Variants in KHDRBS2 observed in about 807,000 individuals in gnomAD.
KHDRBS2 encodes the protein KH RNA binding domain containing, signal transduction associated 2, also known as KH domain-containing, RNA-binding, signal transduction-associated protein 2.
A neutral mutation model predicts 44.3 loss-of-function variants in KHDRBS2; 26 were observed. The ratio of observed to expected loss-of-function variants is 0.59; its 90% confidence interval spans 0.43 to 0.81. The LOEUF (loss-of-function observed/expected upper bound fraction) is 0.81, where lower values mean the gene tolerates loss of function less well. Among genes scored for constraint, KHDRBS2 ranks in the 40% least tolerant of loss-of-function variants. KHDRBS2 has a pLI of 0.00. For synonymous variants in KHDRBS2, 194 were observed against 151.1 expected (o/e 1.28, Z -2.08); for missense variants, 476 against 433.1 (o/e 1.10, Z -0.88).
chr6:61,619,946 A>G, the KHDRBS2 span, among the ~76,000 whole-genome samples: 1 of 152,160 alleles, frequency 6.6e-6, no homozygotes, highest in African/African-American at 2.4e-5. Flanking sequence ...GTCTGTTATT[A>G]TGCATTAAGA....
chr6:61,868,017 C>A (rs1798035224), intron 6 of KHDRBS2, among the ~76,000 whole-genome samples: 1 of 152,166 alleles, frequency 6.6e-6, no homozygotes, highest in Non-Finnish European at 1.5e-5. Flanking sequence ...CAGCCCTGAT[C>A]AGCTTGGACT....
the KHDRBS2 span, among the ~76,000 whole-genome samples, chr6:61,592,690 T>C: frequency 6.6e-6 from 1 of 152,220 alleles, no homozygotes; most frequent in Non-Finnish European, 1.5e-5. Flanking sequence ...TGTTTTTTTT[T>C]AGTCTCCCAG....
chr6:61,782,767 A>G (rs1356896248), intron 6 of KHDRBS2, among the ~76,000 whole-genome samples: 12 of 147,940 alleles, frequency 8.1e-5, no homozygotes, highest in Admixed American at 6.8e-4. Context: ...ATACATATAC[A>G]TATATGTCTG....
At chr6:62,088,129 G>T (rs1798766859) in intron 2 of KHDRBS2, among the ~76,000 whole-genome samples, 1 of 152,056 alleles carries the variant, frequency 6.6e-6, no homozygotes, top group Non-Finnish European at 1.5e-5. Flanking sequence ...TCCTTGCATT[G>T]GGTTAGAACA....
chr6:61,916,899 T>C (rs1393650309), intron 4 of KHDRBS2, among the ~76,000 whole-genome samples: 1 of 149,010 alleles, frequency 6.7e-6, no homozygotes, highest in Non-Finnish European at 1.5e-5. Context: ...CTTATTAGAA[T>C]ACGGAAAATC....
At chr6:62,054,885 C>T (rs539234263) in intron 2 of KHDRBS2, among the ~76,000 whole-genome samples, 7 of 151,912 alleles carry the variant, frequency 4.6e-5, no homozygotes, top group South Asian at 4.1e-4. Flanking sequence ...GTTATAGAAG[C>T]GATAGGAAAC....
intron 3 of KHDRBS2, among the ~76,000 whole-genome samples, chr6:62,037,552 C>G (rs754262996): frequency 2.0e-5 from 3 of 151,380 alleles, no homozygotes; most frequent in Non-Finnish European, 4.4e-5. Context: ...CACCCAAAAA[C>G]GAAGAGAAAA....
At chr6:61,608,306 A>G in the KHDRBS2 span, among the ~76,000 whole-genome samples, 26 of 93,608 alleles carry the variant, frequency 2.8e-4, no homozygotes, top group African/African-American at 1.0e-3. Context: ...ATATGTGTGT[A>G]TATATATGTG....
At chr6:62,092,540 G>T (rs559264870) in intron 2 of KHDRBS2, among the ~76,000 whole-genome samples, 1 of 152,142 alleles carries the variant, frequency 6.6e-6, no homozygotes, top group Non-Finnish European at 1.5e-5. Context: ...GTTTCTGCCC[G>T]TGGGCAAAAT....
intron 7 of KHDRBS2, among the ~76,000 whole-genome samples, chr6:61,716,741 C>CT (rs1227705579): frequency 3.3e-5 from 5 of 151,996 alleles, no homozygotes; most frequent in African/African-American, 1.2e-4. Context: ...ATATGTTAAA[C>CT]TTTTTTGTGT....
intron 3 of KHDRBS2, among the ~76,000 whole-genome samples, chr6:62,001,441 A>G (rs1042947152): frequency 2.6e-5 from 4 of 151,944 alleles, no homozygotes; most frequent in Non-Finnish European, 5.9e-5. Context: ...TAAAACATGG[A>G]ATATATTGGA....
intron 4 of KHDRBS2, among the ~76,000 whole-genome samples, chr6:61,963,001 T>A (rs1236361635): frequency 2.0e-5 from 3 of 152,098 alleles, no homozygotes; most frequent in Non-Finnish European, 4.4e-5. Flanking sequence ...TGCTGGCCAT[T>A]CTGTTTTTAT....
intron 1 of KHDRBS2, among the ~76,000 whole-genome samples, chr6:62,229,148 C>G (rs1832444313): frequency 6.6e-6 from 1 of 152,078 alleles, no homozygotes; most frequent in South Asian, 2.1e-4. Flanking sequence ...TGGTCACCCC[C>G]TTCCCTAGGG....
the KHDRBS2 span, among the ~76,000 whole-genome samples, chr6:61,646,041 C>T: frequency 5.3e-5 from 8 of 152,050 alleles, no homozygotes; most frequent in Admixed American, 2.0e-4. Context: ...AGTCTCAGTC[C>T]TTTTATTTGT....
At position 62,027,527 on chromosome 6, in the gene KHDRBS2, T is replaced by C. The variant is rs556276420; in HGVS notation, c.336+20351A>G. Among the ~76,000 whole-genome samples, 239 of 152,222 alleles carry C rather than the reference T, an allele frequency of 1.6e-3. 6 individuals are homozygous for C. The South Asian group carries it at 0.046, about 29-fold the overall frequency. The stretch of plus-strand genomic sequence containing the variant: ...TGAGTTTATGTTAATGAGGTGACTT[T>C]TGGAAAGCCCCTAAGGATGAGGGGC... On this transcript the variant is annotated intron_variant, in intron 3 of 8. Coordinates refer to ENST00000281156, the MANE Select transcript of KHDRBS2 (RefSeq NM_152688.4).
At chr6:61,926,561 C>T (rs1029102585) in intron 4 of KHDRBS2, among the ~76,000 whole-genome samples, 10 of 152,184 alleles carry the variant, frequency 6.6e-5, no homozygotes, top group Non-Finnish European at 8.8e-5. Context: ...CACTCCTAGG[C>T]AGGTGTTCAA....
chr6:62,094,870 T>C (rs1321517912), intron 2 of KHDRBS2, among the ~76,000 whole-genome samples: 2 of 151,976 alleles, frequency 1.3e-5, no homozygotes, highest in South Asian at 2.1e-4. Context: ...AAGTGGACTG[T>C]AGATGTGTGG....
chr6:61,738,054 T>A (rs1249417434), intron 6 of KHDRBS2, among the ~76,000 whole-genome samples: 1 of 151,964 alleles, frequency 6.6e-6, no homozygotes, highest in Non-Finnish European at 1.5e-5. Context: ...AGATCAAAAA[T>A]TCTGAAATGA....
At chr6:61,833,627 A>T (rs1792180766) in intron 6 of KHDRBS2, among the ~76,000 whole-genome samples, 1 of 152,222 alleles carries the variant, frequency 6.6e-6, no homozygotes, top group East Asian at 1.9e-4. Flanking sequence ...GTTCTCCATC[A>T]TTCATCATTC....
Sources: allele counts gnomAD v4.1 joint callset (sites outside exome capture counted in the v4.1 genomes callset), GRCh38; gene constraint gnomAD v4.1.1; transcripts MANE v1.5; gene names NCBI Gene and HGNC (gene_info 2026-07-23, HGNC 2026-07-21).